The following NIPAL1 variants were observed in gnomAD, a reference collection of about 807,000 sequenced individuals.
NIPAL1 encodes the protein NIPA like domain containing 1.
Under a neutral mutation model 37.7 loss-of-function variants are expected in NIPAL1, and 35 were observed. The ratio of observed to expected loss-of-function variants is 0.93; its 90% CI spans 0.71 to 1.23. The LOEUF is 1.23. NIPAL1 is among the 50% of genes most tolerant of loss of function. The pLI is 0.00. For synonymous variants in NIPAL1, 162 were observed against 183.0 expected (o/e 0.89, Z 0.93); for missense variants, 412 against 473.9 (o/e 0.87, Z 1.21).
chr4:48,017,002 T>A, intron 1 of NIPAL1, 117 bp downstream of exon 1: 1 of 806,886 alleles, frequency 1.2e-6, no homozygotes, highest in Non-Finnish European at 1.9e-6. Context: ...CTAAACGTAG[T>A]CGTTCACTCA....
In NIPAL1 at chr4:48,033,070, A is replaced by C. The variant is rs764497140; in HGVS notation, c.448A>C (p.Ser150Arg). 3 of 1,612,006 alleles carry C rather than the reference A, an allele frequency of 1.9e-6. No individual in the cohort carries two copies. Among genetic ancestry groups the C allele is most frequent in the Non-Finnish European group, 2.5e-6 (3 of 1,178,188 alleles). ...CTTGGTCACCCCTCTGGGTGCTTTGAGTGTTCTCATAAGGTATGTGAGCAA... is the reference window on the plus strand; with the variant it reads ...CTTGGTCACCCCTCTGGGTGCTTTGCGTGTTCTCATAAGGTATGTGAGCAA... Reference protein sequence around the residue: ...ATLVTPLGALSVLISAILSSY... With the variant: ...ATLVTPLGALRVLISAILSSY... Residue 150 changes from serine to arginine, a missense_variant, in exon 4 of 6, where the codon AGT becomes CGT. By Grantham distance (110) the Ser-to-Arg change is moderately radical. Coordinates refer to ENST00000295461, the MANE Select transcript of NIPAL1 (RefSeq NM_207330.3).
At chr4:48,017,449 G>C (rs1319490919) in intron 1 of NIPAL1, among the ~76,000 whole-genome samples, 1 of 151,470 alleles carries the variant, frequency 6.6e-6, no homozygotes, top group Non-Finnish European at 1.5e-5. Context: ...GAAATGAAAA[G>C]GTCTCCAAAC....
At chr4:48,019,113 G>A (rs958065573) in intron 1 of NIPAL1, among the ~76,000 whole-genome samples, 7 of 152,192 alleles carry the variant, frequency 4.6e-5, no homozygotes, top group Admixed American at 1.3e-4. Context: ...TTCCACCTGG[G>A]TTCAAGCAAT....
At chr4:48,031,435 A>G (rs1227089245) in intron 3 of NIPAL1, among the ~76,000 whole-genome samples, 2 of 152,154 alleles carry the variant, frequency 1.3e-5, no homozygotes, top group Non-Finnish European at 2.9e-5. Context: ...CTGTCTGGGA[A>G]GATTCCAGAT....
chr4:48,024,367 C>T (rs1250848026), intron 1 of NIPAL1, among the ~76,000 whole-genome samples: 1 of 152,290 alleles, frequency 6.6e-6, no homozygotes, highest in African/African-American at 2.4e-5. Flanking sequence ...CAGCTTCATC[C>T]TCCTGGGCTC....
rs528606555 is a variant in NIPAL1 at position 48,024,896 on chromosome 4, C to T, written c.47-172C>T. ...TAAAAATCATTTTTAAAAATCTGTGCAAGCCAAATTGACAGTGTCTATAGG... is the reference window on the plus strand; with the variant it reads ...TAAAAATCATTTTTAAAAATCTGTGTAAGCCAAATTGACAGTGTCTATAGG... On this transcript the variant is annotated intron_variant, in intron 1 of 5. Transcript: ENST00000295461. 3.9e-5 allele frequency among the ~76,000 whole-genome samples: 6 copies of T among 152,196 alleles called. No homozygotes were observed. The South Asian group carries it at 1.2e-3, about 32-fold the overall frequency.
At position 48,037,201 on chromosome 4, in the gene NIPAL1, G is replaced by A. The variant is rs140831340; in HGVS notation, c.*1029G>A. 1.2e-4 allele frequency: 46 copies of A among 397,744 alleles called. No individual in the cohort carries two copies. The highest frequency in any genetic ancestry group is 4.1e-4 in the Admixed American group (12 of 29,140). The allele number at this position is 397,744 out of a possible 1,614,324, so 24.6% of individuals were successfully genotyped here. On this transcript the variant is annotated 3_prime_UTR_variant, in exon 6 of 6. Coordinates refer to ENST00000295461, the MANE Select transcript of NIPAL1 (RefSeq NM_207330.3). ...TTACTACCAGTTAAAGAGGGAGAAC[G>A]GAGGAAGAGAAAAATACTTCAGATA...
intron 3 of NIPAL1, among the ~76,000 whole-genome samples, chr4:48,031,218 C>G (rs1394675203): frequency 6.6e-6 from 1 of 152,052 alleles, no homozygotes; most frequent in Non-Finnish European, 1.5e-5. Flanking sequence ...GCACACACCA[C>G]CACACCCAGC....
intron 3 of NIPAL1, among the ~76,000 whole-genome samples, chr4:48,031,062 G>GT (rs1384769876): frequency 6.6e-6 from 1 of 151,602 alleles, no homozygotes; most frequent in South Asian, 2.1e-4. Context: ...GGGTTTTTTT[G>GT]TTTTTTGTTT....
rs1431709923 is a variant in NIPAL1 at position 48,036,111 on chromosome 4, T to TG, written c.1174dup (p.Glu392GlyfsTer9). 2 of 1,610,892 alleles carry TG rather than the reference T, an allele frequency of 1.2e-6. No individual in the cohort carries two copies. Among genetic ancestry groups the TG allele is most frequent in the South Asian group, 2.2e-5 (2 of 90,438 alleles). On this transcript the variant is annotated frameshift_variant, in exon 6 of 6. Coordinates refer to ENST00000295461, the MANE Select transcript of NIPAL1 (RefSeq NM_207330.3). LOFTEE classifies it high-confidence loss of function. ...AACAATTATGTTTTACTAGAGAACT[T>TG]GGAGTGTTCAGCCCCAGGATACAAT...
intron 1 of NIPAL1, among the ~76,000 whole-genome samples, chr4:48,020,796 T>A (rs1378186390): frequency 6.6e-6 from 1 of 152,206 alleles, no homozygotes; most frequent in Non-Finnish European, 1.5e-5. Flanking sequence ...GAATACTGAA[T>A]GAATAATAAT....
At position 48,027,101 on chromosome 4, in the gene NIPAL1, T is replaced by C. The variant is rs76809747; in HGVS notation, c.313+1767T>C. Among the ~76,000 whole-genome samples the C allele has an allele frequency of 0.11, 15,980 of 152,048 alleles. 1,004 individuals carry two copies. Among genetic ancestry groups the C allele is most frequent in the East Asian group, 0.25 (1,270 of 5,180 alleles). On this transcript the variant is annotated intron_variant, in intron 2 of 5. Coordinates refer to ENST00000295461, the MANE Select transcript of NIPAL1 (RefSeq NM_207330.3). The surrounding 1 kb of genome is among the most constrained non-coding windows in gnomAD (Gnocchi z 4.1). ...TTATTTTATATAAAGGAAGAGATTA[T>C]CTAGATTGACAAAAAAAATCCTATA...
At chr4:48,025,027 TC>T in intron 1 of NIPAL1, 40 bp from the exon 2 acceptor site, 1 of 1,582,810 alleles carries the variant, frequency 6.3e-7, no homozygotes, top group East Asian at 2.2e-5. Flanking sequence ...TTAATACCTC[TC>T]CCTTTCATTC....
intron 1 of NIPAL1, 21 bp downstream of exon 1, chr4:48,016,906 G>A (rs1489269327): frequency 2.5e-6 from 4 of 1,588,950 alleles, no homozygotes; most frequent in Non-Finnish European, 3.4e-6. Flanking sequence ...GCCCTGAGCC[G>A]AGGGACCTGG....
At chr4:48,026,453 A>G (rs1353263845) in intron 2 of NIPAL1, among the ~76,000 whole-genome samples, 1 of 152,240 alleles carries the variant, frequency 6.6e-6, no homozygotes, top group Non-Finnish European at 1.5e-5. Context: ...AGAAAAGAAA[A>G]CATATGCTGT....
intron 2 of NIPAL1, among the ~76,000 whole-genome samples, chr4:48,026,706 A>G (rs1715694138): frequency 6.6e-6 from 1 of 151,624 alleles, no homozygotes; most frequent in Admixed American, 6.6e-5. Flanking sequence ...GTTAGAATTT[A>G]ATTTAAAAAT....
Position 48,025,072 on chromosome 4 carries a change from T to C in NIPAL1, c.51T>C (p.Tyr17=), listed in dbSNP as rs1715655747. 4 of 1,613,402 alleles carry C rather than the reference T, an allele frequency of 2.5e-6. No homozygotes were observed. The highest frequency in any genetic ancestry group is 3.4e-6 in the Non-Finnish European group (4 of 1,179,494). Residue 17 remains tyrosine (Y), a synonymous_variant, in exon 2 of 6, where the codon TAT becomes TAC. Transcript: ENST00000295461. The part of the protein sequence containing the change: ...LPPGEPCREG[Y]VLSLVCPNSS... ...CTCTTCTTTCCTTTTTTCCAGGATATGTGCTGTCTCTGGTCTGTCCAAACT... is the reference window on the plus strand; with the variant it reads ...CTCTTCTTTCCTTTTTTCCAGGATACGTGCTGTCTCTGGTCTGTCCAAACT...
At chr4:48,024,440 G>A (rs914114282) in intron 1 of NIPAL1, among the ~76,000 whole-genome samples, 8 of 151,522 alleles carry the variant, frequency 5.3e-5, no homozygotes, top group African/African-American at 9.7e-5. Flanking sequence ...CACCACGCCC[G>A]GTTAATTTTT....
intron 3 of NIPAL1, 67 bp downstream of exon 3, chr4:48,030,243 A>G (rs1022625775): frequency 1.0e-6 from 1 of 1,005,004 alleles, no homozygotes; most frequent in Non-Finnish European, 1.6e-6. Flanking sequence ...GAAATTTTTC[A>G]TAATTGGTTA....
Sources: allele counts gnomAD v4.1 joint callset (sites outside exome capture counted in the v4.1 genomes callset), GRCh38; gene constraint gnomAD v4.1.1; non-coding constraint Gnocchi (gnomAD v3.1); transcripts MANE v1.5; gene names NCBI Gene and HGNC (gene_info 2026-07-23, HGNC 2026-07-21).